The following RCC1L variants were observed in gnomAD, a reference collection of about 807,000 sequenced individuals.
The protein encoded by RCC1L is RCC1-like G exchanging factor-like protein.
Under a neutral mutation model 58.6 loss-of-function variants are expected in RCC1L, and 46 were observed. The observed-to-expected ratio is 0.79, with a 90% CI of 0.62 to 1.00. The LOEUF is 1.00. Among genes scored for constraint, RCC1L ranks in the 50% least tolerant of loss-of-function variants. The pLI, the probability that RCC1L is intolerant of heterozygous loss-of-function variation, is 0.00. For synonymous variants in RCC1L, 281 were observed against 262.9 expected (o/e 1.07, Z -0.67); for missense variants, 636 against 623.6 (o/e 1.02, Z -0.21).
chr7:75,033,682 G>A (rs1805367628), intron 10 of RCC1L, among the ~76,000 whole-genome samples: 2 of 148,180 alleles, frequency 1.3e-5, no homozygotes, highest in African/African-American at 2.5e-5. Flanking sequence ...GCAACAGGGC[G>A]AGTCTCTATC....
At chr7:75,031,696 G>T (rs917268715) in intron 10 of RCC1L, among the ~76,000 whole-genome samples, 5 of 152,094 alleles carry the variant, frequency 3.3e-5, no homozygotes, top group Non-Finnish European at 7.4e-5. Flanking sequence ...GGTTGTATTA[G>T]TTACCTGGTG....
intron 7 of RCC1L, chr7:75,058,217 G>C (rs1166112469): frequency 3.3e-6 from 1 of 305,222 alleles, no homozygotes; most frequent in Non-Finnish European, 6.3e-6. Context: ...GATTACAGGC[G>C]TGAGCCACCA....
chr7:75,052,862 G>A, intron 9 of RCC1L, 66 bp from the exon 10 acceptor site: 1 of 1,470,978 alleles, frequency 6.8e-7, no homozygotes, highest in South Asian at 1.2e-5. Flanking sequence ...AGGAGAGGAT[G>A]GGTCATGAGA....
intron 10 of RCC1L, among the ~76,000 whole-genome samples, chr7:75,051,818 G>GCA (rs2131987057): frequency 6.6e-6 from 1 of 151,908 alleles, no homozygotes; most frequent in Admixed American, 6.6e-5. Context: ...GTACTCACAG[G>GCA]CACACACACA....
At chr7:75,045,995 G>A (rs891484469) in intron 10 of RCC1L, among the ~76,000 whole-genome samples, 1 of 152,254 alleles carries the variant, frequency 6.6e-6, no homozygotes, top group Non-Finnish European at 1.5e-5. Flanking sequence ...CACAGTCTGT[G>A]GAGTTTACCG....
chr7:75,051,849 G>GT (rs1255068018), intron 10 of RCC1L, among the ~76,000 whole-genome samples: 16 of 152,132 alleles, frequency 1.1e-4, no homozygotes, highest in Admixed American at 9.2e-4. Context: ...ATGCACACCA[G>GT]TCTCTATGCA....
At chr7:75,062,874 T>C (rs1386799952) in intron 5 of RCC1L, among the ~76,000 whole-genome samples, 1 of 152,060 alleles carries the variant, frequency 6.6e-6, no homozygotes, top group African/African-American at 2.4e-5. Flanking sequence ...TCTCAGCTCA[T>C]TGCAGCCTCC....
At chr7:75,069,883 G>A (rs587706739) in intron 2 of RCC1L, among the ~76,000 whole-genome samples, 1 of 152,108 alleles carries the variant, frequency 6.6e-6, no homozygotes, top group African/African-American at 2.4e-5. Flanking sequence ...GACTACAGGC[G>A]TGAGGCACCA....
intron 10 of RCC1L, among the ~76,000 whole-genome samples, chr7:75,046,287 T>C (rs1376762815): frequency 1.3e-5 from 2 of 152,228 alleles, no homozygotes; most frequent in African/African-American, 4.8e-5. Context: ...CCTGAGAGGC[T>C]GGCCGGAGAA....
At chr7:75,030,026 A>C (rs2131964913) in intron 10 of RCC1L, among the ~76,000 whole-genome samples, 1 of 152,326 alleles carries the variant, frequency 6.6e-6, no homozygotes, top group East Asian at 1.9e-4. Context: ...CCAGGGAAGG[A>C]AGCCAGCCAG....
chr7:75,070,772 G>C lies in RCC1L; in HGVS notation c.325-3C>G, dbSNP rs1554445972. 6.2e-7 allele frequency: 1 copy of C among 1,613,818 alleles called. No homozygotes were observed. Among genetic ancestry groups the C allele is most frequent in the Admixed American group, 1.7e-5 (1 of 59,952 alleles). On this transcript the variant is annotated splice_polypyrimidine_tract_variant and splice_region_variant and intron_variant, in intron 1 of 10. Coordinates refer to ENST00000610322, the MANE Select transcript of RCC1L (RefSeq NM_030798.5). ...TAGCCGCAAGCAGCAGATGAAATCTGAAAAGCAGTTCCCACAAAGCATGAA... is the reference window on the plus strand; with the variant it reads ...TAGCCGCAAGCAGCAGATGAAATCTCAAAAGCAGTTCCCACAAAGCATGAA...
chr7:75,068,589 G>A (rs1315528421), intron 2 of RCC1L, among the ~76,000 whole-genome samples: 3 of 151,732 alleles, frequency 2.0e-5, no homozygotes, highest in Non-Finnish European at 4.4e-5. Flanking sequence ...AGGAGGCCGA[G>A]GCAACAGAAT....
chr7:75,048,156 A>C (rs1337074908), intron 10 of RCC1L, among the ~76,000 whole-genome samples: 17 of 150,902 alleles, frequency 1.1e-4, no homozygotes, highest in Non-Finnish European at 2.1e-4. Flanking sequence ...AATCCCAGCT[A>C]CTGGGGAGGC....
At chr7:75,055,221 C>T (rs1194631953) in intron 9 of RCC1L, among the ~76,000 whole-genome samples, 1 of 152,158 alleles carries the variant, frequency 6.6e-6, no homozygotes, top group Non-Finnish European at 1.5e-5. Context: ...TTTTACTATT[C>T]GAGTCAACTA....
At chr7:75,055,719 A>G (rs1297944172) in intron 9 of RCC1L, 182 bp downstream of exon 9, 4 of 702,540 alleles carry the variant, frequency 5.7e-6, no homozygotes, top group Admixed American at 2.7e-5. Flanking sequence ...GGGGGGGAAA[A>G]CAAGACATTA....
chr7:75,047,310 C>T (rs1296361253), intron 10 of RCC1L, among the ~76,000 whole-genome samples: 11 of 151,962 alleles, frequency 7.2e-5, no homozygotes, highest in African/African-American at 2.2e-4. Flanking sequence ...CTGTTGCCCC[C>T]GGCTGGAGCG....
intron 10 of RCC1L, among the ~76,000 whole-genome samples, chr7:75,048,198 C>T (rs1428402668): frequency 4.2e-5 from 6 of 142,104 alleles, no homozygotes; most frequent in African/African-American, 1.3e-4. Context: ...ACCCGGGAGG[C>T]GGAGGTTGCA....
intron 5 of RCC1L, among the ~76,000 whole-genome samples, chr7:75,062,994 TCA>T (rs1160921255): frequency 6.6e-6 from 1 of 151,798 alleles, no homozygotes; most frequent in African/African-American, 2.4e-5. Flanking sequence ...AGACGGGGTT[TCA>T]CCATGTTGGC....
At chr7:75,069,612 A>G (rs1168680644) in intron 2 of RCC1L, among the ~76,000 whole-genome samples, 1 of 152,024 alleles carries the variant, frequency 6.6e-6, no homozygotes, top group African/African-American at 2.4e-5. Context: ...CCCAAGCTGG[A>G]GTGTAGTGGC....
Sources: allele counts gnomAD v4.1 joint callset (sites outside exome capture counted in the v4.1 genomes callset), GRCh38; gene constraint gnomAD v4.1.1; transcripts MANE v1.5; gene names NCBI Gene and HGNC (gene_info 2026-07-23, HGNC 2026-07-21).